FABP12: variants seen among roughly 807,000 people sequenced by gnomAD.
FABP12 encodes the protein fatty acid binding protein 12, also known as fatty acid-binding protein 12.
FABP12 carries 19 observed loss-of-function variants against 13.7 expected under a neutral mutation model. The observed-to-expected ratio is 1.39, with a 90% CI of 0.97 to 2.04. FABP12 has a LOEUF of 2.04. Ranked by LOEUF, FABP12 falls within the 30% of genes most tolerant of loss-of-function variation. FABP12 has a pLI of 0.00. For missense variants in FABP12, 182 were observed against 164.2 expected, an observed-to-expected ratio of 1.11 and a Z score of -0.59; for synonymous variants, 61 against 57.0, an observed-to-expected ratio of 1.07 and a Z score of -0.32.
At chr8:81,572,243 A>G (rs977497011) in intron 1 of FABP12, among the ~76,000 whole-genome samples, 2 of 152,228 alleles carry the variant, frequency 1.3e-5, no homozygotes, top group African/African-American at 4.8e-5. Context: ...CACTTAGAAT[A>G]ATAGTTTCCT....
At chr8:81,582,135 T>TTTC (rs1344195341) in intron 1 of FABP12, among the ~76,000 whole-genome samples, 2 of 143,376 alleles carry the variant, frequency 1.4e-5, no homozygotes, top group South Asian at 2.3e-4. Flanking sequence ...TTTTTTTTTT[T>TTTC]TTTTTGAGAT....
chr8:81,530,648 G>C (rs529021787), intron 2 of FABP12, among the ~76,000 whole-genome samples: 1 of 152,282 alleles, frequency 6.6e-6, no homozygotes, highest in South Asian at 2.1e-4. Context: ...TTAATCCCTG[G>C]AACCTGTGAA....
intron 1 of FABP12, among the ~76,000 whole-genome samples, chr8:81,542,197 T>C (rs886091179): frequency 6.6e-6 from 1 of 152,102 alleles, no homozygotes; most frequent in East Asian, 1.9e-4. Flanking sequence ...GACCTCCTTC[T>C]CTTGAGGAAA....
chr8:81,538,211 G>T (rs1809270102), upstream of FABP12, among the ~76,000 whole-genome samples: 1 of 152,132 alleles, frequency 6.6e-6, no homozygotes, highest in African/African-American at 2.4e-5. Flanking sequence ...CATTCATGGA[G>T]GATCTGCCCC....
At chr8:81,571,914 G>T (rs1435625299) in intron 1 of FABP12, among the ~76,000 whole-genome samples, 2 of 151,656 alleles carry the variant, frequency 1.3e-5, no homozygotes, top group African/African-American at 4.8e-5. Context: ...TTACTATTAA[G>T]ATTTTTAAGA....
At chr8:81,535,577 T>C (rs1809201344), upstream of FABP12, among the ~76,000 whole-genome samples, 1 of 152,212 alleles carries the variant, frequency 6.6e-6, no homozygotes, top group Non-Finnish European at 1.5e-5. Context: ...TTCTATTTAT[T>C]ACCTAGCTGC....
chr8:81,532,563 C>T (rs1168061983), intron 1 of FABP12, among the ~76,000 whole-genome samples: 1 of 152,224 alleles, frequency 6.6e-6, no homozygotes, highest in African/African-American at 2.4e-5. Flanking sequence ...TGGTTCTTGC[C>T]TGTAATCCCA....
intron 1 of FABP12, among the ~76,000 whole-genome samples, chr8:81,564,156 G>GA (rs141192268): frequency 4.0e-4 from 60 of 149,218 alleles, no homozygotes; most frequent in Non-Finnish European, 7.0e-4. Context: ...AGTGCTGAAA[G>GA]AAAAAAAAAC....
upstream of FABP12, among the ~76,000 whole-genome samples, chr8:81,537,501 A>T (rs897884520): frequency 6.6e-6 from 1 of 152,142 alleles, no homozygotes; most frequent in Non-Finnish European, 1.5e-5. Context: ...TAAGGAAAAA[A>T]ATTTACAGTG....
At chr8:81,561,007 A>G (rs1809714706) in intron 1 of FABP12, among the ~76,000 whole-genome samples, 1 of 152,184 alleles carries the variant, frequency 6.6e-6, no homozygotes, top group South Asian at 2.1e-4. Context: ...CTCTGCACAC[A>G]ACTTCTCATC....
At chr8:81,583,712 A>G (rs1042111906) in intron 1 of FABP12, among the ~76,000 whole-genome samples, 1 of 152,146 alleles carries the variant, frequency 6.6e-6, no homozygotes, top group Admixed American at 6.5e-5. Context: ...AAGTCTCCCA[A>G]CAAAGAAACA....
chr8:81,556,151 G>A (rs1263132369), intron 1 of FABP12, among the ~76,000 whole-genome samples: 1 of 152,032 alleles, frequency 6.6e-6, no homozygotes, highest in Non-Finnish European at 1.5e-5. Context: ...ACTATAGTTG[G>A]CAAGTTTCAT....
chr8:81,544,976 G>C (rs1199183293), intron 1 of FABP12, among the ~76,000 whole-genome samples: 1 of 152,212 alleles, frequency 6.6e-6, no homozygotes, highest in Non-Finnish European at 1.5e-5. Flanking sequence ...CAATGGCGTA[G>C]AGGCCAGGAA....
intron 1 of FABP12, among the ~76,000 whole-genome samples, chr8:81,532,014 C>T (rs543748028): frequency 6.6e-6 from 1 of 152,154 alleles, no homozygotes; most frequent in African/African-American, 2.4e-5. Context: ...AACTTCCCAA[C>T]GGTTTAGAGA....
At chr8:81,531,358 T>C (rs1169935057) in exon 2 of FABP12, 1 of 1,401,932 alleles carries the variant, frequency 7.1e-7, no homozygotes, top group Non-Finnish European at 9.9e-7. Context: ...TAGTTTCATG[T>C]GTATGCTGGT....
intron 1 of FABP12, among the ~76,000 whole-genome samples, chr8:81,549,254 T>C (rs1172913006): frequency 2.8e-5 from 4 of 141,676 alleles, no homozygotes; most frequent in African/African-American, 1.1e-4. Flanking sequence ...CACACACACA[T>C]GCACGTACAC....
intron 1 of FABP12, among the ~76,000 whole-genome samples, chr8:81,569,921 G>T (rs988163883): frequency 6.6e-6 from 1 of 152,216 alleles, no homozygotes; most frequent in African/African-American, 2.4e-5. Context: ...GCTCGGCCTG[G>T]CAGGCTGCAC....
intron 1 of FABP12, among the ~76,000 whole-genome samples, chr8:81,565,354 A>G (rs1003510790): frequency 6.6e-6 from 1 of 152,090 alleles, no homozygotes; most frequent in African/African-American, 2.4e-5. Flanking sequence ...AGGTATTTGC[A>G]GGACTTTTCA....
At chr8:81,566,583 T>C (rs553377050) in intron 1 of FABP12, among the ~76,000 whole-genome samples, 4 of 152,220 alleles carry the variant, frequency 2.6e-5, no homozygotes, top group Non-Finnish European at 5.9e-5. Flanking sequence ...ATCATTTCAA[T>C]TGATGCTAAA....
Sources: gnomAD v4.1 joint callset for allele counts (sites outside exome capture counted in the v4.1 genomes callset) on GRCh38, gnomAD v4.1.1 for gene constraint, MANE v1.5 for transcripts, NCBI Gene and HGNC (gene_info 2026-07-23, HGNC 2026-07-21) for gene names.